Variants in DIAPH2 observed in about 807,000 individuals in gnomAD.
The protein encoded by DIAPH2 is protein diaphanous homolog 2.
A neutral mutation model predicts 92.7 loss-of-function variants in DIAPH2; 35 were observed. The observed-to-expected ratio is 0.38, with a 90% CI of 0.29 to 0.50. DIAPH2 has a LOEUF of 0.50. Ranked by LOEUF, DIAPH2 falls within the 20% of genes least tolerant of loss-of-function variation. The probability of loss-of-function intolerance (pLI) is 0.94; values close to 1 mark genes in which losing one functional copy is unlikely to be tolerated. For synonymous variants in DIAPH2, 301 were observed against 280.4 expected (o/e 1.07, Z -0.73); for missense variants, 701 against 819.5 (o/e 0.86, Z 1.77).
chrX:96,815,186 C>T (rs637210), intron 4 of DIAPH2, among the ~76,000 whole-genome samples: 1 of 112,090 alleles, frequency 8.9e-6, no homozygotes, highest in Non-Finnish European at 1.9e-5. Flanking sequence ...GCAGTGGGCT[C>T]TGCCCAGTTT....
In DIAPH2 at chrX:97,050,521, T is replaced by TC. The variant is rs1294147509; in HGVS notation, c.2051-22418dup. Among the ~76,000 whole-genome samples, 185 of 107,689 alleles carry TC rather than the reference T, an allele frequency of 1.7e-3. 4 individuals carry two copies. The highest frequency in any genetic ancestry group is 2.0e-3 in the Non-Finnish European group (105 of 51,801). The allele number at this position is 107,689 out of a possible 115,157, so 93.5% of individuals were successfully genotyped here. ...ACGTTTTTTTGTTTTTTTTTTTTTT[T>TC]CCTCTTCTGGAAAGAAACTACTCTT... On this transcript the variant is annotated intron_variant, in intron 17 of 26. Transcript: ENST00000324765.
intron 23 of DIAPH2, among the ~76,000 whole-genome samples, chrX:97,319,098 C>G (rs2068867637): frequency 9.0e-6 from 1 of 111,466 alleles, no homozygotes; most frequent in Non-Finnish European, 1.9e-5. Context: ...TGAATATTTT[C>G]CATTCATAAT....
intron 26 of DIAPH2, among the ~76,000 whole-genome samples, chrX:97,511,008 C>T (rs1329181638): frequency 1.8e-5 from 2 of 108,546 alleles, no homozygotes; most frequent in Non-Finnish European, 3.9e-5. Context: ...TTTTTGGTTC[C>T]ATATGAACTT....
intron 26 of DIAPH2, among the ~76,000 whole-genome samples, chrX:97,487,222 C>T (rs2070695111): frequency 8.9e-6 from 1 of 112,164 alleles, no homozygotes; most frequent in African/African-American, 3.2e-5. Context: ...AATAATGCTG[C>T]AGTGAACATG....
At position 97,090,334 on chromosome X, in the gene DIAPH2, T is replaced by TTTTG. The variant is rs1242933185; in HGVS notation, c.2248-9360_2248-9359insTTTG. On this transcript the variant is annotated intron_variant, in intron 19 of 26. Coordinates refer to ENST00000324765, the MANE Select transcript of DIAPH2 (RefSeq NM_006729.5). ...TTTTTTTTTTTTTTTTTTTTTTTTT[T>TTTTG]GAGAAAGAGCTCTGGGGCAGTGGGC... is the stretch of plus-strand genomic sequence containing the variant. 4.3e-4 allele frequency among the ~76,000 whole-genome samples: 28 copies of TTTTG among 65,218 alleles called. 3 individuals carry two copies. The highest frequency in any genetic ancestry group is 1.8e-3 in the African/African-American group (26 of 14,789). 56.6% of individuals were successfully genotyped at this position (65,218 alleles called of 115,157 possible). A position where few individuals can be genotyped will look rare whatever the true frequency, so the allele number is the denominator to read the frequency against.
In DIAPH2 at chrX:96,988,865, C is replaced by T. The variant is rs753299367; in HGVS notation, c.2050+23658C>T. ...GGCTGAGGTCATACTGTGTACTAGG[C>T]GTGAATTAATTACAAATTGAACAAC... On this transcript the variant is annotated intron_variant, in intron 17 of 26. Coordinates refer to ENST00000324765, the MANE Select transcript of DIAPH2 (RefSeq NM_006729.5). 4.5e-4 allele frequency among the ~76,000 whole-genome samples: 50 copies of T among 110,782 alleles called. 1 individual carries two copies. Among genetic ancestry groups the T allele is most frequent in the African/African-American group, 1.4e-3 (43 of 30,575 alleles).
chrX:96,810,679 T>A (rs76832694), intron 4 of DIAPH2, among the ~76,000 whole-genome samples: 11,441 of 111,407 alleles, frequency 0.1, 539 homozygotes, highest in East Asian at 0.32. Flanking sequence ...TTAATCCATC[T>A]TGAATTAATT....
intron 21 of DIAPH2, among the ~76,000 whole-genome samples, chrX:97,118,573 T>C (rs1250310205): frequency 9.0e-6 from 1 of 111,316 alleles, no homozygotes; most frequent in Non-Finnish European, 1.9e-5. Flanking sequence ...CTACCAACAA[T>C]AGAGAAGATA....
At chrX:96,811,834 C>A (rs1360282332) in intron 4 of DIAPH2, among the ~76,000 whole-genome samples, 1 of 111,515 alleles carries the variant, frequency 9.0e-6, no homozygotes, top group East Asian at 2.8e-4. Flanking sequence ...TATTGATTTT[C>A]GTATGTTGAA....
chrX:97,196,465 T>G (rs972812987), intron 22 of DIAPH2, among the ~76,000 whole-genome samples: 2 of 111,842 alleles, frequency 1.8e-5, no homozygotes, highest in Non-Finnish European at 3.8e-5. Flanking sequence ...TCTAGTGGTA[T>G]AAAATCCACA....
chrX:97,298,701 G>A (rs1391056732), intron 23 of DIAPH2, among the ~76,000 whole-genome samples: 1 of 101,896 alleles, frequency 9.8e-6, no homozygotes, highest in Non-Finnish European at 2.0e-5. Context: ...TGCAAGCTCC[G>A]CCTCCCGGGT....
intron 23 of DIAPH2, among the ~76,000 whole-genome samples, chrX:97,254,221 G>C (rs1014952532): frequency 4.5e-5 from 5 of 111,707 alleles, no homozygotes; most frequent in African/African-American, 1.6e-4. Context: ...GCTGGGCGCG[G>C]TGGCTCACGC....
chrX:97,256,422 A>G (rs1602454902), intron 23 of DIAPH2, among the ~76,000 whole-genome samples: 1 of 112,511 alleles, frequency 8.9e-6, no homozygotes, highest in Non-Finnish European at 1.9e-5. Context: ...TTAAGCATAC[A>G]TAGTTTACAG....
At position 97,200,316 on chromosome X, in the gene DIAPH2, T is replaced by C. The variant is rs752428967; in HGVS notation, c.2720-47399T>C. On this transcript the variant is annotated intron_variant, in intron 22 of 26. Transcript: ENST00000324765. Reference sequence around the variant, plus strand: ...GGGAGTTGTTTTTGTACCCCGGCGGTGCCTGGAACACCAGCGAAACAGGAG... The same window carrying C: ...GGGAGTTGTTTTTGTACCCCGGCGGCGCCTGGAACACCAGCGAAACAGGAG... Among the ~76,000 whole-genome samples the C allele has an allele frequency of 1.3e-4, 14 of 111,863 alleles. 1 individual carries two copies. The highest frequency in any genetic ancestry group is 4.5e-4 in the African/African-American group (14 of 30,845).
intron 26 of DIAPH2, among the ~76,000 whole-genome samples, chrX:97,491,830 G>T (rs1352903293): frequency 9.0e-6 from 1 of 111,421 alleles, no homozygotes; most frequent in Admixed American, 9.5e-5. Flanking sequence ...TTGATTTTTT[G>T]TAGTGATATG....
intron 17 of DIAPH2, among the ~76,000 whole-genome samples, chrX:96,983,616 C>G (rs1218023344): frequency 9.0e-6 from 1 of 110,760 alleles, no homozygotes; most frequent in Non-Finnish European, 1.9e-5. Context: ...TTTCAAAAGG[C>G]AAGTCAATAA....
At chrX:96,786,466 G>A (rs941588531) in intron 4 of DIAPH2, among the ~76,000 whole-genome samples, 1 of 112,038 alleles carries the variant, frequency 8.9e-6, no homozygotes, top group South Asian at 3.7e-4. Flanking sequence ...ATATAATTTA[G>A]TTATTCTAAA....
At chrX:96,894,615 C>T (rs761244189) in intron 5 of DIAPH2, among the ~76,000 whole-genome samples, 1 of 111,509 alleles carries the variant, frequency 9.0e-6, no homozygotes, top group East Asian at 2.8e-4. Context: ...GGACATCAAG[C>T]TGGGGGTATT....
chrX:96,885,305 CTG>C, intron 5 of DIAPH2: 4 of 365,381 alleles, frequency 1.1e-5, no homozygotes, highest in Middle Eastern at 7.5e-4. Flanking sequence ...ATTGACAACT[CTG>C]TAGGATTTAC....
Sources: allele counts gnomAD v4.1 joint callset (sites outside exome capture counted in the v4.1 genomes callset), GRCh38; gene constraint gnomAD v4.1.1; transcripts MANE v1.5; gene names NCBI Gene and HGNC (gene_info 2026-07-23, HGNC 2026-07-21).